ABCC4: variants seen among roughly 807,000 people sequenced by gnomAD.
ABCC4 encodes ATP binding cassette subfamily C member 4 (PEL blood group), also known as ATP-binding cassette sub-family C member 4.
A neutral mutation model predicts 168.5 loss-of-function variants in ABCC4; 102 were observed. The ratio of observed to expected loss-of-function variants is 0.61; its 90% confidence interval spans 0.52 to 0.71. The LOEUF is 0.71. Ranked by LOEUF, ABCC4 falls within the 30% of genes least tolerant of loss-of-function variation. The probability of loss-of-function intolerance (pLI) is 0.00; values close to 1 mark genes in which losing one functional copy is unlikely to be tolerated. For synonymous variants in ABCC4, 617 were observed against 590.7 expected, an observed-to-expected ratio of 1.04 and a Z score of -0.65; for missense variants, 1,402 against 1,605.8, an observed-to-expected ratio of 0.87 and a Z score of 2.17.
chr13:95,301,008 G>A (rs1411219160), intron 1 of ABCC4, among the ~76,000 whole-genome samples: 2 of 151,942 alleles, frequency 1.3e-5, no homozygotes, highest in African/African-American at 4.8e-5. Context: ...CACTGGCCCC[G>A]CGTCCCCGCG....
intron 11 of ABCC4, among the ~76,000 whole-genome samples, chr13:95,182,811 T>C (rs116643428): frequency 0.04 from 6,034 of 152,308 alleles, 397 homozygotes; most frequent in African/African-American, 0.13. Context: ...GGATTTTAAC[T>C]ACTACCCACT....
chr13:95,094,826 G>GA (rs869038487), intron 20 of ABCC4, among the ~76,000 whole-genome samples: 1 of 14,164 alleles, frequency 7.1e-5, no homozygotes, highest in African/African-American at 4.9e-4. Context: ...AAATCAGTAA[G>GA]AAAAAAAAAT....
At chr13:95,110,381 A>G (rs1594111199) in intron 20 of ABCC4, among the ~76,000 whole-genome samples, 1 of 152,244 alleles carries the variant, frequency 6.6e-6, no homozygotes, top group Non-Finnish European at 1.5e-5. Context: ...TATTTGTAAT[A>G]GAAATGTTTT....
intron 30 of ABCC4, among the ~76,000 whole-genome samples, chr13:95,028,930 C>G (rs932130478): frequency 3.2e-4 from 49 of 151,814 alleles, no homozygotes; most frequent in Admixed American, 1.1e-3. Flanking sequence ...CTTTGGGAGG[C>G]CAAGGTGGGT....
chr13:95,263,640 T>C (rs929931100), intron 1 of ABCC4, among the ~76,000 whole-genome samples: 7 of 152,100 alleles, frequency 4.6e-5, no homozygotes, highest in Non-Finnish European at 7.4e-5. Flanking sequence ...CTGGCCAACA[T>C]GGTGAAACCC....
At chr13:95,061,608 G>T (rs1047808137) in intron 26 of ABCC4, among the ~76,000 whole-genome samples, 1 of 98,366 alleles carries the variant, frequency 1.0e-5, no homozygotes, top group Admixed American at 9.1e-5. Flanking sequence ...GTGTGTGTGT[G>T]TGTGTGTGTG....
At chr13:95,135,337 A>G (rs1438520050) in intron 19 of ABCC4, among the ~76,000 whole-genome samples, 3 of 152,220 alleles carry the variant, frequency 2.0e-5, no homozygotes, top group Non-Finnish European at 2.9e-5. Flanking sequence ...AAACTCAACT[A>G]AAGTTTTCCG....
At chr13:95,175,394 C>T (rs1327047696) in intron 13 of ABCC4, among the ~76,000 whole-genome samples, 1 of 152,136 alleles carries the variant, frequency 6.6e-6, no homozygotes, top group African/African-American at 2.4e-5. Flanking sequence ...CTCACTGCAA[C>T]CTCCACCTCC....
intron 20 of ABCC4, among the ~76,000 whole-genome samples, chr13:95,097,615 T>TTC (rs1952356740): frequency 6.9e-6 from 1 of 145,346 alleles, no homozygotes; most frequent in Non-Finnish European, 1.5e-5. Context: ...TTTTTTTTTT[T>TTC]TCAAATGCAC....
At chr13:95,201,043 CT>C (rs2038610895) in intron 8 of ABCC4, among the ~76,000 whole-genome samples, 1 of 152,188 alleles carries the variant, frequency 6.6e-6, no homozygotes, top group Non-Finnish European at 1.5e-5. Flanking sequence ...CTGAAAATCA[CT>C]ACTGCTGAAC....
intron 19 of ABCC4, among the ~76,000 whole-genome samples, chr13:95,127,467 G>A (rs546854851): frequency 1.9e-4 from 29 of 152,066 alleles, no homozygotes; most frequent in Non-Finnish European, 3.7e-4. Context: ...TTTTAGAGAC[G>A]AGGTTTCTCC....
At chr13:95,187,812 A>T (rs927479705) in intron 10 of ABCC4, among the ~76,000 whole-genome samples, 2 of 152,162 alleles carry the variant, frequency 1.3e-5, no homozygotes, top group African/African-American at 4.8e-5. Context: ...CTAAGTCTGT[A>T]CGCACGTTTC....
intron 20 of ABCC4, among the ~76,000 whole-genome samples, chr13:95,084,293 G>A (rs141619680): frequency 1.4e-4 from 21 of 152,308 alleles, no homozygotes; most frequent in African/African-American, 5.1e-4. Flanking sequence ...CACAGCACCA[G>A]TCACAGAGCT....
At position 95,263,290 on chromosome 13, in the gene ABCC4, G is replaced by A. The variant is rs190754767; in HGVS notation, c.75-15537C>T. ...GGCTGACAAAAATGTGACCAAAGGC[G>A]CATAGGAACCTAACCCTGTATTTCG... is the stretch of plus-strand genomic sequence containing the variant. On this transcript the variant is annotated intron_variant, in intron 1 of 30. Coordinates refer to ENST00000645237, the MANE Select transcript of ABCC4 (RefSeq NM_005845.5). Among the ~76,000 whole-genome samples the A allele has an allele frequency of 3.5e-3, 538 of 152,236 alleles. 5 individuals carry two copies. The highest frequency in any genetic ancestry group is 0.012 in the African/African-American group (515 of 41,538).
intron 4 of ABCC4, among the ~76,000 whole-genome samples, chr13:95,222,805 G>T (rs555976637): frequency 6.6e-6 from 1 of 152,074 alleles, no homozygotes; most frequent in Non-Finnish European, 1.5e-5. Context: ...GGGCAATTTT[G>T]CCTCCCAGGA....
chr13:95,215,926 C>CA lies in ABCC4; in HGVS notation c.532-5146dup, dbSNP rs375837747. Among the ~76,000 whole-genome samples the CA allele has an allele frequency of 8.4e-4, 111 of 132,708 alleles. 2 individuals carry two copies. The East Asian group carries it at 0.016, about 19-fold the overall frequency. 87.1% of individuals were successfully genotyped at this position (132,708 alleles called of 152,430 possible). The stretch of plus-strand genomic sequence containing the variant: ...AATCAACACCAAAGAAACAAACAAA[C>CA]AACAACAACAAAACACTGCTCACAT... On this transcript the variant is annotated intron_variant, in intron 4 of 30. Transcript: ENST00000645237.
intron 13 of ABCC4, among the ~76,000 whole-genome samples, chr13:95,173,401 G>A (rs1054335387): frequency 4.6e-5 from 7 of 152,230 alleles, no homozygotes; most frequent in Non-Finnish European, 8.8e-5. Flanking sequence ...CAGAGAAAGC[G>A]CCATGCCCTC....
At chr13:95,208,027 G>C in intron 6 of ABCC4, 102 bp from the exon 7 acceptor site, 1 of 1,357,524 alleles carries the variant, frequency 7.4e-7, no homozygotes, top group Non-Finnish European at 1.0e-6. Flanking sequence ...TCCCTACAGC[G>C]CTTTTGCTTC....
At chr13:95,300,129 G>A (rs1337390698) in intron 1 of ABCC4, among the ~76,000 whole-genome samples, 1 of 152,172 alleles carries the variant, frequency 6.6e-6, no homozygotes. Flanking sequence ...GTGAGCCACC[G>A]CGCCAGGCCA....
Sources: gnomAD v4.1 joint callset for allele counts (sites outside exome capture counted in the v4.1 genomes callset) on GRCh38, gnomAD v4.1.1 for gene constraint, MANE v1.5 for transcripts, NCBI Gene and HGNC (gene_info 2026-07-23, HGNC 2026-07-21) for gene names.